The following LRRC37A2 variants were observed in gnomAD, a reference collection of about 807,000 sequenced individuals.
LRRC37A2 encodes leucine rich repeat containing 37 member A2.
Under a neutral mutation model 68.8 loss-of-function variants are expected in LRRC37A2, and 9 were observed. The observed-to-expected ratio is 0.13, with a 90% CI of 0.08 to 0.23. LRRC37A2 has a LOEUF of 0.23. Ranked by LOEUF, LRRC37A2 falls within the 10% of genes least tolerant of loss-of-function variation. The pLI is 1.00. For missense variants in LRRC37A2, 168 were observed against 950.4 expected (o/e 0.18, Z 10.82); for synonymous variants, 63 against 367.6 (o/e 0.17, Z 9.48).
At chr17:47,044,996 G>A in the LRRC37A2 span, among the ~76,000 whole-genome samples, 2 of 151,148 alleles carry the variant, frequency 1.3e-5, no homozygotes, top group African/African-American at 2.4e-5. Flanking sequence ...GTATAACAGA[G>A]CGAGACCTGG....
the LRRC37A2 span, among the ~76,000 whole-genome samples, chr17:47,028,096 T>C: frequency 6.6e-6 from 1 of 152,264 alleles, no homozygotes; most frequent in Non-Finnish European, 1.5e-5. Flanking sequence ...TTGTATCTAA[T>C]GCACCACGTG....
At chr17:46,497,058 T>G in the LRRC37A2 span, among the ~76,000 whole-genome samples, 1 of 132,878 alleles carries the variant, frequency 7.5e-6, no homozygotes, top group Non-Finnish European at 1.6e-5. Context: ...TATTCATTTA[T>G]TTTTTAATTT....
At chr17:46,899,323 G>C in the LRRC37A2 span, among the ~76,000 whole-genome samples, 119 of 152,180 alleles carry the variant, frequency 7.8e-4, no homozygotes, top group Middle Eastern at 6.8e-3. Flanking sequence ...AGGATGGCTT[G>C]AGCCCAGCGG....
chr17:46,517,226 T>A, intron 2 of LRRC37A2, 136 bp from the exon 2 acceptor site: 1 of 794,916 alleles, frequency 1.3e-6, no homozygotes, highest in Non-Finnish European at 1.9e-6. Context: ...ACTGGGAAGC[T>A]GATAGCTCTG....
chr17:46,782,068 C>T, the LRRC37A2 span, among the ~76,000 whole-genome samples: 2 of 152,208 alleles, frequency 1.3e-5, no homozygotes, highest in African/African-American at 2.4e-5. Context: ...GACCCAGGGG[C>T]TGCGGCCCAG....
chr17:46,956,947 G>A, the LRRC37A2 span, among the ~76,000 whole-genome samples: 1 of 152,218 alleles, frequency 6.6e-6, no homozygotes, highest in Non-Finnish European at 1.5e-5. Flanking sequence ...AGCCACACAA[G>A]AAGGAAAAAT....
At chr17:46,611,423 T>G in the LRRC37A2 span, among the ~76,000 whole-genome samples, 1 of 45,364 alleles carries the variant, frequency 2.2e-5, no homozygotes, top group Middle Eastern at 5.3e-3. Context: ...CACAACAGTC[T>G]TGAAAAAAAG....
chr17:46,987,021 G>A, the LRRC37A2 span, among the ~76,000 whole-genome samples: 2 of 152,102 alleles, frequency 1.3e-5, no homozygotes, highest in South Asian at 2.1e-4. Flanking sequence ...CGAGGTGGGC[G>A]GATCATTTGA....
the LRRC37A2 span, among the ~76,000 whole-genome samples, chr17:47,035,542 A>C: frequency 6.6e-6 from 1 of 152,190 alleles, no homozygotes; most frequent in Non-Finnish European, 1.5e-5. Flanking sequence ...AGCCATCACT[A>C]TATCCGTTCA....
At chr17:46,734,899 AAGTT>A in the LRRC37A2 span, among the ~76,000 whole-genome samples, 2 of 152,122 alleles carry the variant, frequency 1.3e-5, no homozygotes, top group Non-Finnish European at 2.9e-5. Flanking sequence ...TTACAAAAAA[AAGTT>A]AGTCGAATGT....
chr17:46,864,854 C>T, the LRRC37A2 span, among the ~76,000 whole-genome samples: 4 of 152,176 alleles, frequency 2.6e-5, no homozygotes, highest in South Asian at 4.2e-4. Flanking sequence ...TGCCCTTGCC[C>T]TCCTGCTTCC....
At chr17:46,917,087 CT>C in the LRRC37A2 span, 1 of 152,124 alleles carries the variant, frequency 6.6e-6, no homozygotes, top group African/African-American at 2.4e-5. Context: ...AATTCTCCCC[CT>C]GCCCCCCAGC....
At chr17:46,969,450 A>G in the LRRC37A2 span, among the ~76,000 whole-genome samples, 2 of 152,108 alleles carry the variant, frequency 1.3e-5, no homozygotes, top group Admixed American at 6.5e-5. Flanking sequence ...TGTTTCCCCT[A>G]TGTCACAGTG....
At chr17:46,734,908 G>A in the LRRC37A2 span, among the ~76,000 whole-genome samples, 3 of 152,032 alleles carry the variant, frequency 2.0e-5, no homozygotes, top group South Asian at 2.1e-4. Context: ...AAAGTTAGTC[G>A]AATGTGGTGG....
the LRRC37A2 span, chr17:46,966,885 T>A: frequency 2.5e-6 from 1 of 403,220 alleles, no homozygotes; most frequent in African/African-American, 2.0e-5. Context: ...ATTATGCTAA[T>A]TAGCACCTTA....
chr17:46,989,608 C>T, the LRRC37A2 span, among the ~76,000 whole-genome samples: 1 of 152,236 alleles, frequency 6.6e-6, no homozygotes, highest in Non-Finnish European at 1.5e-5. Context: ...TCCCTGACCC[C>T]AGGTATCATA....
chr17:46,973,803 G>A, the LRRC37A2 span, among the ~76,000 whole-genome samples: 3 of 147,444 alleles, frequency 2.0e-5, no homozygotes, highest in Non-Finnish European at 4.6e-5. Context: ...TATTAAATGT[G>A]TGTGCATGCG....
the LRRC37A2 span, among the ~76,000 whole-genome samples, chr17:46,848,125 C>T: frequency 6.6e-6 from 1 of 151,856 alleles, no homozygotes; most frequent in African/African-American, 2.4e-5. Context: ...CCTGTGTGAA[C>T]GTGTGGACCC....
chr17:46,979,130 G>T, the LRRC37A2 span: 1 of 1,062,856 alleles, frequency 9.4e-7, no homozygotes, highest in South Asian at 3.0e-5. Flanking sequence ...GGGAGGGGAC[G>T]AAGGCGGGAG....
Sources: gnomAD v4.1 joint callset for allele counts (sites outside exome capture counted in the v4.1 genomes callset) on GRCh38, gnomAD v4.1.1 for gene constraint, MANE v1.5 for transcripts, NCBI Gene and HGNC (gene_info 2026-07-23, HGNC 2026-07-21) for gene names.